Variants in PIWIL1 observed in about 807,000 individuals in gnomAD.
The protein encoded by PIWIL1 is piwi-like protein 1.
Under a neutral mutation model 114.4 loss-of-function variants are expected in PIWIL1, and 73 were observed. The ratio of observed to expected loss-of-function variants is 0.64; its 90% CI spans 0.53 to 0.78. The LOEUF (loss-of-function observed/expected upper bound fraction) is 0.78, where lower values mean the gene tolerates loss of function less well. PIWIL1 is among the 30% of genes least tolerant of loss of function. PIWIL1 has a pLI of 0.00. For missense variants in PIWIL1, 723 were observed against 1,063.1 expected (o/e 0.68, Z 4.45); for synonymous variants, 375 against 369.0 (o/e 1.02, Z -0.19).
At chr12:130,367,361 T>C in intron 19 of PIWIL1, 103 bp downstream of exon 19, 1 of 1,071,518 alleles carries the variant, frequency 9.3e-7, no homozygotes, top group Non-Finnish European at 1.3e-6. Context: ...ACTTTTGTTC[T>C]TATATTTTTT....
the PIWIL1 span, among the ~76,000 whole-genome samples, chr12:130,418,413 C>A: frequency 2.9e-4 from 44 of 152,314 alleles, no homozygotes; most frequent in African/African-American, 1.1e-3. Flanking sequence ...CACAGCTGTG[C>A]AGCCCCTGCT....
intron 5 of PIWIL1, 119 bp downstream of exon 5, chr12:130,346,703 A>T (rs1019226092): frequency 4.1e-5 from 37 of 895,164 alleles, no homozygotes; most frequent in Non-Finnish European, 5.0e-5. Flanking sequence ...ATGACTTGGA[A>T]TAAACACATA....
the PIWIL1 span, among the ~76,000 whole-genome samples, chr12:130,392,331 C>T: frequency 4.4e-4 from 19 of 42,922 alleles, no homozygotes; most frequent in South Asian, 2.0e-3. Flanking sequence ...CCGTCAGTTA[C>T]CTGGTGAATA....
chr12:130,365,155 G>A (rs969361256), intron 18 of PIWIL1, among the ~76,000 whole-genome samples: 1 of 152,220 alleles, frequency 6.6e-6, no homozygotes, highest in African/African-American at 2.4e-5. Context: ...TGGGAACACA[G>A]CGTTGCAGGG....
the PIWIL1 span, among the ~76,000 whole-genome samples, chr12:130,418,118 AT>A: frequency 6.6e-6 from 1 of 152,244 alleles, no homozygotes; most frequent in African/African-American, 2.4e-5. Context: ...ACCAGAAAAA[AT>A]AAAACACGCA....
chr12:130,417,866 G>GC, the PIWIL1 span, among the ~76,000 whole-genome samples: 11 of 151,810 alleles, frequency 7.2e-5, no homozygotes, highest in Admixed American at 6.6e-5. Flanking sequence ...AGAGAGAATG[G>GC]GAGGGGAGAG....
At chr12:130,346,813 A>G in intron 5 of PIWIL1, 128 bp from the exon 6 acceptor site, 1 of 1,233,006 alleles carries the variant, frequency 8.1e-7, no homozygotes, top group South Asian at 1.6e-5. Context: ...TCTCAGAGCC[A>G]TTTAAAAAAA....
chr12:130,397,465 C>T, the PIWIL1 span: 1 of 398,998 alleles, frequency 2.5e-6, no homozygotes. Flanking sequence ...CTACCAGAAC[C>T]CATAGATGAC....
intron 14 of PIWIL1, among the ~76,000 whole-genome samples, chr12:130,360,369 C>T (rs2073474729): frequency 1.3e-5 from 2 of 152,136 alleles, no homozygotes; most frequent in Admixed American, 1.3e-4. Context: ...GGCGTGGTGG[C>T]TCACACCTGT....
chr12:130,417,412 T>C, the PIWIL1 span, among the ~76,000 whole-genome samples: 1 of 152,038 alleles, frequency 6.6e-6, no homozygotes, highest in African/African-American at 2.4e-5. Flanking sequence ...GCCAGAGAAA[T>C]GAACAAAATC....
chr12:130,405,835 C>CAGTT, the PIWIL1 span, among the ~76,000 whole-genome samples: 3 of 152,118 alleles, frequency 2.0e-5, no homozygotes, highest in African/African-American at 7.2e-5. Context: ...TTGACCTATA[C>CAGTT]AGTTAAGTAA....
At chr12:130,401,947 C>G in the PIWIL1 span, among the ~76,000 whole-genome samples, 110 of 152,272 alleles carry the variant, frequency 7.2e-4, no homozygotes, top group Non-Finnish European at 8.7e-4. Context: ...CGTGTGTACC[C>G]CAGCCTGCAG....
chr12:130,394,842 G>A, the PIWIL1 span, among the ~76,000 whole-genome samples: 36 of 92,422 alleles, frequency 3.9e-4, 1 homozygote, highest in Non-Finnish European at 9.1e-4. Context: ...ACTGCAAAAC[G>A]AAATTTGGCA....
intron 7 of PIWIL1, among the ~76,000 whole-genome samples, chr12:130,348,983 T>C (rs2073144204): frequency 6.6e-6 from 1 of 152,210 alleles, no homozygotes; most frequent in Non-Finnish European, 1.5e-5. Context: ...ATTGGCAACT[T>C]TTTAAAAGTC....
the PIWIL1 span, among the ~76,000 whole-genome samples, chr12:130,392,076 C>T: frequency 6.2e-4 from 58 of 94,236 alleles, no homozygotes; most frequent in African/African-American, 2.1e-3. Flanking sequence ...ACCGTCATCA[C>T]GTGGATGCAT....
chr12:130,342,228 T>G (rs888289748), intron 1 of PIWIL1: 5 of 297,964 alleles, frequency 1.7e-5, no homozygotes, highest in Non-Finnish European at 2.6e-5. Flanking sequence ...TGTGTACATG[T>G]GTATCTCCAA....
chr12:130,404,516 T>C, the PIWIL1 span, among the ~76,000 whole-genome samples: 1 of 152,154 alleles, frequency 6.6e-6, no homozygotes, highest in Non-Finnish European at 1.5e-5. Context: ...GCCAGGCTGA[T>C]ATCGAATGCC....
At chr12:130,381,633 C>T in the PIWIL1 span, among the ~76,000 whole-genome samples, 13 of 152,294 alleles carry the variant, frequency 8.5e-5, no homozygotes, top group East Asian at 1.3e-3. Flanking sequence ...CATCTCTGTG[C>T]GGGTTCTTGT....
At chr12:130,409,619 A>T in the PIWIL1 span, among the ~76,000 whole-genome samples, 1 of 152,104 alleles carries the variant, frequency 6.6e-6, no homozygotes. Flanking sequence ...CTGGGATTAC[A>T]GGCGTGAGCC....
Sources: gnomAD v4.1 joint callset for allele counts (sites outside exome capture counted in the v4.1 genomes callset) on GRCh38, gnomAD v4.1.1 for gene constraint, MANE v1.5 for transcripts, NCBI Gene and HGNC (gene_info 2026-07-23, HGNC 2026-07-21) for gene names.